Variants in GPR137C observed in about 807,000 individuals in gnomAD.
GPR137C encodes the protein integral membrane protein GPR137C.
A neutral mutation model predicts 43.4 loss-of-function variants in GPR137C; 27 were observed. That is an observed-to-expected ratio of 0.62 (90% CI 0.46 to 0.86). GPR137C has a LOEUF of 0.86. GPR137C is among the 40% of genes least tolerant of loss of function. The pLI, the probability that GPR137C is intolerant of heterozygous loss-of-function variation, is 0.00. For missense variants in GPR137C, 522 were observed against 534.6 expected, an observed-to-expected ratio of 0.98 and a Z score of 0.23; for synonymous variants, 285 against 226.9, an observed-to-expected ratio of 1.26 and a Z score of -2.30.
At chr14:52,578,123 T>C (rs938825369) in intron 1 of GPR137C, among the ~76,000 whole-genome samples, 1 of 152,224 alleles carries the variant, frequency 6.6e-6, no homozygotes, top group Non-Finnish European at 1.5e-5. Context: ...TTGATTCCAG[T>C]GTTCTGAAAT....
intron 1 of GPR137C, among the ~76,000 whole-genome samples, chr14:52,583,824 C>A (rs994374708): frequency 6.6e-6 from 1 of 152,112 alleles, no homozygotes; most frequent in African/African-American, 2.4e-5. Flanking sequence ...TTATTGATAA[C>A]CCATCTAATG....
chr14:52,584,273 G>T (rs891815976), intron 1 of GPR137C, among the ~76,000 whole-genome samples: 15 of 152,178 alleles, frequency 9.9e-5, no homozygotes, highest in African/African-American at 3.6e-4. Flanking sequence ...TTATAATCCA[G>T]GTTATATGTG....
rs370817695 is a variant in GPR137C, at chr14:52,629,907, A to G, written c.718-2253A>G. ...GAGGTGTAACTCTTTTTCACTTATC[A>G]AGTGTGGAATTTCTTTAAAAGTGGT... On this transcript the variant is annotated intron_variant, in intron 3 of 6. Transcript: ENST00000321662. Among the ~76,000 whole-genome samples the G allele has an allele frequency of 1.8e-4, 28 of 152,272 alleles. 1 individual carries two copies. Among genetic ancestry groups the G allele is most frequent in the African/African-American group, 6.5e-4 (27 of 41,556 alleles).
chr14:52,576,826 A>T (rs1217466045), intron 1 of GPR137C, among the ~76,000 whole-genome samples: 3 of 152,210 alleles, frequency 2.0e-5, no homozygotes, highest in Non-Finnish European at 4.4e-5. Flanking sequence ...AAAAATGGAA[A>T]TCATACTAAG....
At chr14:52,588,937 G>A (rs2038745743) in intron 1 of GPR137C, among the ~76,000 whole-genome samples, 1 of 152,158 alleles carries the variant, frequency 6.6e-6, no homozygotes, top group Admixed American at 6.5e-5. Flanking sequence ...GAACATTGAT[G>A]TTCATAGCGG....
chr14:52,591,183 A>C (rs1566613695), intron 1 of GPR137C, among the ~76,000 whole-genome samples: 1 of 152,174 alleles, frequency 6.6e-6, no homozygotes, highest in Non-Finnish European at 1.5e-5. Context: ...ATGGCTGTGT[A>C]GTATTCCATA....
At chr14:52,582,520 A>G (rs897660706) in intron 1 of GPR137C, among the ~76,000 whole-genome samples, 3 of 152,212 alleles carry the variant, frequency 2.0e-5, no homozygotes, top group African/African-American at 7.2e-5. Flanking sequence ...CTGGCCGGGC[A>G]TGGTGGCTTA....
At chr14:52,558,997 C>T (rs758414243) in intron 1 of GPR137C, among the ~76,000 whole-genome samples, 15 of 152,090 alleles carry the variant, frequency 9.9e-5, no homozygotes, top group South Asian at 2.1e-4. Context: ...TAAGAGTTTA[C>T]GCAAATTTAT....
intron 1 of GPR137C, among the ~76,000 whole-genome samples, chr14:52,591,556 A>G (rs774725989): frequency 5.9e-5 from 9 of 152,074 alleles, no homozygotes; most frequent in Non-Finnish European, 1.3e-4. Context: ...TGTGGTTTTG[A>G]TTTGTGTCTC....
At chr14:52,629,042 T>C (rs1281757927) in intron 3 of GPR137C, among the ~76,000 whole-genome samples, 1 of 152,190 alleles carries the variant, frequency 6.6e-6, no homozygotes, top group East Asian at 1.9e-4. Context: ...ATTAGTCATC[T>C]GGGAAATGCA....
intron 1 of GPR137C, among the ~76,000 whole-genome samples, chr14:52,595,394 A>C (rs748791276): frequency 3.3e-5 from 5 of 152,168 alleles, no homozygotes; most frequent in Non-Finnish European, 7.3e-5. Context: ...GTTCTCCTGG[A>C]TAATATCCTG....
At chr14:52,614,726 A>G (rs979071571) in intron 3 of GPR137C, among the ~76,000 whole-genome samples, 3 of 152,142 alleles carry the variant, frequency 2.0e-5, no homozygotes, top group South Asian at 2.1e-4. Context: ...GTCTTAAGCT[A>G]TCCTTCTGAC....
chr14:52,569,054 C>G (rs1363188822), intron 1 of GPR137C, among the ~76,000 whole-genome samples: 1 of 152,198 alleles, frequency 6.6e-6, no homozygotes, highest in Admixed American at 6.5e-5. Flanking sequence ...AGAGCTCCGG[C>G]TGGCATCTGA....
chr14:52,591,780 G>A (rs1381131519), intron 1 of GPR137C, among the ~76,000 whole-genome samples: 1 of 152,146 alleles, frequency 6.6e-6, no homozygotes, highest in Non-Finnish European at 1.5e-5. Context: ...TAGGTCGCCT[G>A]TTCACTCTGA....
chr14:52,596,846 C>A, intron 1 of GPR137C: 2 of 448,396 alleles, frequency 4.5e-6, no homozygotes, highest in East Asian at 7.0e-5. Flanking sequence ...TCCAACCAGT[C>A]CCAATGAGAT....
chr14:52,633,595 A>G lies in GPR137C; in HGVS notation c.933A>G (p.Glu311=). The G allele has an allele frequency of 6.2e-7, 1 of 1,612,996 alleles. No homozygotes were observed. Among genetic ancestry groups the G allele is most frequent in the Non-Finnish European group, 8.5e-7 (1 of 1,179,180 alleles). The change falls in exon 5 of 7, where the codon GAA becomes GAG. Residue 311 remains glutamate (E), a synonymous_variant. Transcript: ENST00000321662. ...TTGGAATGGTCCTCTTTCTGTGGGA[A>G]CATGTGCCAGCATGGTCGGTGGTAC... ...IVFGMVLFLW[E]HVPAWSVVLF...
intron 1 of GPR137C, among the ~76,000 whole-genome samples, chr14:52,568,521 T>C (rs2038409522): frequency 6.6e-6 from 1 of 152,066 alleles, no homozygotes; most frequent in Non-Finnish European, 1.5e-5. Flanking sequence ...TGGATCCCAC[T>C]CCCATGGAGC....
At chr14:52,607,656 G>A (rs936267848) in intron 3 of GPR137C, among the ~76,000 whole-genome samples, 1 of 152,128 alleles carries the variant, frequency 6.6e-6, no homozygotes, top group African/African-American at 2.4e-5. Flanking sequence ...TGGGCAGATG[G>A]CTTGGCTCAG....
chr14:52,635,124 C>G lies in GPR137C; in HGVS notation c.*9C>G. 6.5e-7 allele frequency: 1 copy of G among 1,544,782 alleles called. No homozygotes were observed. Among genetic ancestry groups the G allele is most frequent in the Non-Finnish European group, 8.7e-7 (1 of 1,148,848 alleles). On this transcript the variant is annotated 3_prime_UTR_variant, in exon 7 of 7. Transcript: ENST00000321662. The stretch of plus-strand genomic sequence containing the variant: ...TGACACCACAAAACTGACAGCATCA[C>G]CAAGTCATGATTCTTGAGTTGTTTT...
Sources: allele counts gnomAD v4.1 joint callset (sites outside exome capture counted in the v4.1 genomes callset), GRCh38; gene constraint gnomAD v4.1.1; transcripts MANE v1.5; gene names NCBI Gene and HGNC (gene_info 2026-07-23, HGNC 2026-07-21).